PNLIPRP3: variants seen among roughly 807,000 people sequenced by gnomAD.
PNLIPRP3 encodes the protein pancreatic lipase related protein 3, also known as pancreatic lipase-related protein 3.
In PNLIPRP3, 58 loss-of-function variants were observed where a neutral mutation model predicts 52.8. The ratio of observed to expected loss-of-function variants is 1.10; its 90% CI spans 0.89 to 1.37. The LOEUF is 1.37. Ranked by LOEUF, PNLIPRP3 falls within the 40% of genes most tolerant of loss-of-function variation. The probability of loss-of-function intolerance (pLI) is 0.00; values close to 1 mark genes in which losing one functional copy is unlikely to be tolerated. For missense variants in PNLIPRP3, 593 were observed against 561.6 expected, an observed-to-expected ratio of 1.06 and a Z score of -0.57; for synonymous variants, 192 against 185.0, an observed-to-expected ratio of 1.04 and a Z score of -0.31.
At chr10:116,475,336 T>C (rs1365606535) in intron 10 of PNLIPRP3, among the ~76,000 whole-genome samples, 1 of 152,124 alleles carries the variant, frequency 6.6e-6, no homozygotes, top group South Asian at 2.1e-4. Context: ...TAATGGGTAC[T>C]AGGCTTAATG....
At chr10:116,436,353 A>G (rs977450424) in intron 1 of PNLIPRP3, among the ~76,000 whole-genome samples, 1 of 152,232 alleles carries the variant, frequency 6.6e-6, no homozygotes, top group Non-Finnish European at 1.5e-5. Context: ...TTAACTTGGA[A>G]TAAAGACTTA....
intron 4 of PNLIPRP3, among the ~76,000 whole-genome samples, chr10:116,454,529 C>T (rs1276489220): frequency 6.6e-6 from 1 of 152,200 alleles, no homozygotes; most frequent in Non-Finnish European, 1.5e-5. Context: ...CTTATTCCTC[C>T]TGTGTAACTG....
At chr10:116,469,918 G>T (rs1438372277) in intron 9 of PNLIPRP3, among the ~76,000 whole-genome samples, 1 of 150,584 alleles carries the variant, frequency 6.6e-6, no homozygotes, top group Admixed American at 6.6e-5. Flanking sequence ...GGATTAGAAG[G>T]CCACAAGATG....
At chr10:116,444,566 C>T (rs1845916184) in intron 4 of PNLIPRP3, 53 bp downstream of exon 4, 7 of 1,529,204 alleles carry the variant, frequency 4.6e-6, no homozygotes, top group Non-Finnish European at 5.4e-6. Context: ...TGGATATTAA[C>T]ACTCAGAAGT....
intron 1 of PNLIPRP3, among the ~76,000 whole-genome samples, chr10:116,431,334 A>G (rs561593129): frequency 6.6e-6 from 1 of 152,336 alleles, no homozygotes; most frequent in South Asian, 2.1e-4. Flanking sequence ...AGTAAGAGCC[A>G]GTGAACTACC....
intron 4 of PNLIPRP3, among the ~76,000 whole-genome samples, chr10:116,446,676 A>G (rs1026864633): frequency 6.6e-6 from 1 of 152,216 alleles, no homozygotes; most frequent in African/African-American, 2.4e-5. Flanking sequence ...TCTGACAAGC[A>G]CACTGATTCA....
chr10:116,431,765 G>A (rs1845712215), intron 1 of PNLIPRP3, among the ~76,000 whole-genome samples: 1 of 152,114 alleles, frequency 6.6e-6, no homozygotes, highest in Non-Finnish European at 1.5e-5. Flanking sequence ...GTGGAGCTAT[G>A]TCTTCTCCCT....
At chr10:116,440,269 C>G (rs1406392458) in intron 2 of PNLIPRP3, among the ~76,000 whole-genome samples, 1 of 152,090 alleles carries the variant, frequency 6.6e-6, no homozygotes, top group Non-Finnish European at 1.5e-5. Flanking sequence ...TTCTGTGGAG[C>G]ACGGTCAGTA....
rs770473649 is a variant in PNLIPRP3, at chr10:116,469,298, G to A, written c.1041G>A (p.Gly347=). The change falls in exon 9 of 12, where the codon GGG becomes GGA. Residue 347 remains glycine, a synonymous_variant. Coordinates refer to ENST00000369230, the MANE Select transcript of PNLIPRP3 (RefSeq NM_001011709.3). ...TNGSHYFLNT[G]SLSPFARWRH... ...GATCACATTATTTTTTAAACACAGG[G>A]TCCCTTTCCCCATTTGCCCGTAAGT... 1 of 1,605,152 alleles carries A rather than the reference G, an allele frequency of 6.2e-7. No homozygotes were observed. Among genetic ancestry groups the A allele is most frequent in the East Asian group, 2.3e-5 (1 of 44,382 alleles).
intron 2 of PNLIPRP3, among the ~76,000 whole-genome samples, chr10:116,440,331 A>G (rs1845840298): frequency 6.6e-6 from 1 of 152,174 alleles, no homozygotes; most frequent in Non-Finnish European, 1.5e-5. Flanking sequence ...CCTACTGCCA[A>G]TGAAGAGAAA....
At chr10:116,471,312 T>G (rs945486716) in intron 9 of PNLIPRP3, among the ~76,000 whole-genome samples, 2 of 152,186 alleles carry the variant, frequency 1.3e-5, no homozygotes, top group Non-Finnish European at 2.9e-5. Flanking sequence ...TGACTCACTT[T>G]GCCTCTAAAT....
In PNLIPRP3 at chr10:116,476,792, T is replaced by G. The variant is rs1331070147; in HGVS notation, c.1313T>G (p.Ile438Arg). 6.2e-7 allele frequency: 1 copy of G among 1,605,136 alleles called. No homozygotes were observed. The highest frequency in any genetic ancestry group is 1.3e-5 in the African/African-American group (1 of 74,448). The change falls in exon 11 of 12, where the codon ATA becomes AGA. Residue 438 changes from isoleucine to arginine, a missense_variant. By Grantham distance (97) the Ile-to-Arg change is moderately conservative. Transcript: ENST00000369230. Reference protein sequence around the residue: ...SQNKLGAEMVINTSGKYGYKS... With the variant: ...SQNKLGAEMVRNTSGKYGYKS... ...AATAAGTTGGGAGCAGAAATGGTGATAAATACATCTGGGAAATATGGATAT... is the reference window on the plus strand; with the variant it reads ...AATAAGTTGGGAGCAGAAATGGTGAGAAATACATCTGGGAAATATGGATAT...
At chr10:116,474,556 A>T (rs1025103613) in intron 10 of PNLIPRP3, among the ~76,000 whole-genome samples, 25 of 152,248 alleles carry the variant, frequency 1.6e-4, no homozygotes, top group African/African-American at 6.0e-4. Context: ...TCCATCTGAT[A>T]AACGTCTAAT....
chr10:116,457,704 G>T (rs927362353), intron 5 of PNLIPRP3, among the ~76,000 whole-genome samples: 1 of 152,184 alleles, frequency 6.6e-6, no homozygotes, highest in African/African-American at 2.4e-5. Context: ...AACCTCATGG[G>T]GCCTCACAGC....
Position 116,427,947 on chromosome 10 carries a change from A to AGTGAG in PNLIPRP3, c.-61_-57dup. On this transcript the variant is annotated 5_prime_UTR_variant, in exon 1 of 12. Coordinates refer to ENST00000369230, the MANE Select transcript of PNLIPRP3 (RefSeq NM_001011709.3). ...TGAGGAAAACCACTTAGTATTTTAT[A>AGTGAG]GTGAGGTGACTTTACAAGTAAAGAT... The AGTGAG allele has an allele frequency of 8.2e-7, 1 of 1,223,070 alleles. No homozygotes were observed. Among genetic ancestry groups the AGTGAG allele is most frequent in the Admixed American group, 1.8e-5 (1 of 56,980 alleles). 75.8% of individuals were successfully genotyped at this position (1,223,070 alleles called of 1,614,324 possible).
chr10:116,447,597 T>TA (rs1471564483), intron 4 of PNLIPRP3, among the ~76,000 whole-genome samples: 3 of 151,950 alleles, frequency 2.0e-5, no homozygotes, highest in South Asian at 2.1e-4. Context: ...ACAAGAAGAT[T>TA]AAAAAAATAT....
At chr10:116,467,459 G>T (rs962548167) in intron 8 of PNLIPRP3, among the ~76,000 whole-genome samples, 1 of 152,008 alleles carries the variant, frequency 6.6e-6, no homozygotes, top group Non-Finnish European at 1.5e-5. Flanking sequence ...AAATGTCTAT[G>T]GTTTATTAAA....
At chr10:116,432,759 C>T (rs1001695257) in intron 1 of PNLIPRP3, among the ~76,000 whole-genome samples, 3 of 152,084 alleles carry the variant, frequency 2.0e-5, no homozygotes, top group Non-Finnish European at 2.9e-5. Context: ...GGTGGGTAAA[C>T]ATTCAAAAGT....
At chr10:116,431,780 C>G (rs1422993558) in intron 1 of PNLIPRP3, among the ~76,000 whole-genome samples, 1 of 152,146 alleles carries the variant, frequency 6.6e-6, no homozygotes, top group Admixed American at 6.5e-5. Flanking sequence ...CTCCCTGTCT[C>G]CATTCCCTGG....
Sources: allele counts gnomAD v4.1 joint callset (sites outside exome capture counted in the v4.1 genomes callset), GRCh38; gene constraint gnomAD v4.1.1; transcripts MANE v1.5; gene names NCBI Gene and HGNC (gene_info 2026-07-23, HGNC 2026-07-21).